KIRREL3: variants seen among roughly 807,000 people sequenced by gnomAD.
KIRREL3 encodes the protein kin of IRRE-like protein 3.
In KIRREL3, 36 loss-of-function variants were observed where a neutral mutation model predicts 89.7. The ratio of observed to expected loss-of-function variants is 0.40; its 90% CI spans 0.31 to 0.53. The LOEUF is 0.53. KIRREL3 is among the 20% of genes least tolerant of loss of function. The pLI, the probability that KIRREL3 is intolerant of heterozygous loss-of-function variation, is 0.49. For synonymous variants in KIRREL3, 445 were observed against 441.4 expected, an observed-to-expected ratio of 1.01 and a Z score of -0.10; for missense variants, 864 against 1,056.6, an observed-to-expected ratio of 0.82 and a Z score of 2.53.
At chr11:126,735,142 T>C (rs1449420776) in intron 1 of KIRREL3, among the ~76,000 whole-genome samples, 4 of 152,190 alleles carry the variant, frequency 2.6e-5, no homozygotes, top group Admixed American at 2.6e-4. Flanking sequence ...GTTCTACTAA[T>C]TGCTAGTTGG....
Position 126,473,300 on chromosome 11 carries a change from A to G in KIRREL3, c.591+9T>C. 8.5e-6 allele frequency: 5 copies of G among 590,818 alleles called. No individual in the cohort carries two copies. The highest frequency in any genetic ancestry group is 3.7e-5 in the South Asian group (1 of 27,348). 36.6% of individuals were successfully genotyped at this position (590,818 alleles called of 1,614,324 possible). A position where few individuals can be genotyped will look rare whatever the true frequency, so the allele number is the denominator to read the frequency against. ...CGTCCACACCCACCCCCTCCCCTCC[A>G]GGCCTCACCTTGGAGTAGGTGGCCC... On this transcript the variant is annotated intron_variant, in intron 5 of 16. Transcript: ENST00000525144.
At chr11:126,470,035 G>C (rs1342618675) in intron 5 of KIRREL3, among the ~76,000 whole-genome samples, 1 of 152,244 alleles carries the variant, frequency 6.6e-6, no homozygotes, top group African/African-American at 2.4e-5. Flanking sequence ...GCATGGATCG[G>C]GTCCCCCGCC....
rs1949896958 is a variant in KIRREL3, at chr11:126,987,412, G to T, written c.55+13043C>A. On this transcript the variant is annotated intron_variant, in intron 1 of 16. Coordinates refer to ENST00000525144, the MANE Select transcript of KIRREL3 (RefSeq NM_032531.4). The surrounding 1 kb of genome is among the most constrained non-coding windows in gnomAD (Gnocchi z 4.6). ...CTTAGAATATCTGTTGATAATAAGA[G>T]TGAAAGGTAGATTTCCTGTTATTTT... Among the ~76,000 whole-genome samples the T allele has an allele frequency of 6.6e-6, 1 of 152,224 alleles. No homozygotes were observed. The highest frequency in any genetic ancestry group is 2.4e-5 in the African/African-American group (1 of 41,464).
Position 126,427,419 on chromosome 11 carries a change from G to A in KIRREL3, c.1807-1695C>T, listed in dbSNP as rs1417826505. Among the ~76,000 whole-genome samples, 2 of 152,218 alleles carry A rather than the reference G, an allele frequency of 1.3e-5. No homozygotes were observed. Among genetic ancestry groups the A allele is most frequent in the Admixed American group, 6.5e-5 (1 of 15,276 alleles). ...TACAAAGTGTTTTGGGAGAGCAGAA[G>A]GTGCACAGCTCCGCCAGGGGTGGGG... is the stretch of plus-strand genomic sequence containing the variant. On this transcript the variant is annotated intron_variant, in intron 15 of 16. Coordinates refer to ENST00000525144, the MANE Select transcript of KIRREL3 (RefSeq NM_032531.4). This position sits in a 1 kb window ranked among gnomAD's most constrained non-coding sequence, Gnocchi z 5.3.
At chr11:126,693,671 G>T (rs190957429) in intron 1 of KIRREL3, among the ~76,000 whole-genome samples, 31 of 152,130 alleles carry the variant, frequency 2.0e-4, no homozygotes, top group Middle Eastern at 3.4e-3. Flanking sequence ...CTGAGTTTCC[G>T]AAGGGAAAAT....
intron 1 of KIRREL3, among the ~76,000 whole-genome samples, chr11:126,714,359 G>A (rs955719198): frequency 5.3e-5 from 8 of 152,228 alleles, no homozygotes; most frequent in East Asian, 1.9e-4. Flanking sequence ...GGCCCAGGCC[G>A]AGCCCTGATA....
In KIRREL3 at chr11:126,508,267, T is replaced by G. The variant is rs1317762614; in HGVS notation, c.433+13048A>C. ...CGGGTTGTGGGACTCAGCTATTTAT[T>G]TTTGTGAGATGGAGGCTTCTGGGTG... On this transcript the variant is annotated intron_variant, in intron 4 of 16. Coordinates refer to ENST00000525144, the MANE Select transcript of KIRREL3 (RefSeq NM_032531.4). The surrounding 1 kb of genome is among the most constrained non-coding windows in gnomAD (Gnocchi z 4.9). Among the ~76,000 whole-genome samples, 1 of 152,192 alleles carries G rather than the reference T, an allele frequency of 6.6e-6. No individual in the cohort carries two copies. The highest frequency in any genetic ancestry group is 1.5e-5 in the Non-Finnish European group (1 of 68,032).
Position 126,525,215 on chromosome 11 carries a change from C to T in KIRREL3, c.283+1323G>A, listed in dbSNP as rs1040391834. 6.6e-6 allele frequency among the ~76,000 whole-genome samples: 1 copy of T among 152,170 alleles called. No individual in the cohort carries two copies. Among genetic ancestry groups the T allele is most frequent in the Non-Finnish European group, 1.5e-5 (1 of 68,042 alleles). ...CCAGTCCCTGACGGAAGTTGGAAAC[C>T]CACTGACCGGGACCCCAGACAGCCT... On this transcript the variant is annotated intron_variant, in intron 3 of 16. Transcript: ENST00000525144. The surrounding 1 kb of genome is among the most constrained non-coding windows in gnomAD (Gnocchi z 5.4).
At chr11:126,654,560 A>G (rs1227906607) in intron 1 of KIRREL3, among the ~76,000 whole-genome samples, 1 of 152,134 alleles carries the variant, frequency 6.6e-6, no homozygotes, top group African/African-American at 2.4e-5. Flanking sequence ...TAATGTAGGA[A>G]GCGCTTTTGC....
Position 126,676,372 on chromosome 11 carries a change from A to G in KIRREL3, c.56-113460T>C, listed in dbSNP as rs919599126. 3.9e-5 allele frequency among the ~76,000 whole-genome samples: 6 copies of G among 152,126 alleles called. No homozygotes were observed. Among genetic ancestry groups the G allele is most frequent in the Admixed American group, 2.6e-4 (4 of 15,274 alleles). ...GAGTGAAGTCTGTCCCATCTGTCCT[A>G]TCTCAGTTCAGGCTAGAATTCTCTC... is the stretch of plus-strand genomic sequence containing the variant. On this transcript the variant is annotated intron_variant, in intron 1 of 16. Coordinates refer to ENST00000525144, the MANE Select transcript of KIRREL3 (RefSeq NM_032531.4). The surrounding 1 kb of genome is among the most constrained non-coding windows in gnomAD (Gnocchi z 4.5).
intron 2 of KIRREL3, among the ~76,000 whole-genome samples, chr11:126,547,019 A>G (rs1938862620): frequency 6.6e-6 from 1 of 152,196 alleles, no homozygotes; most frequent in Non-Finnish European, 1.5e-5. Flanking sequence ...TGGGACACTG[A>G]GTGTGTTTGC....
intron 1 of KIRREL3, among the ~76,000 whole-genome samples, chr11:126,851,157 A>G (rs1277412505): frequency 3.3e-5 from 5 of 152,184 alleles, no homozygotes; most frequent in Non-Finnish European, 5.9e-5. Context: ...GTCCAATTAC[A>G]CTTAGGACCC....
intron 13 of KIRREL3, among the ~76,000 whole-genome samples, chr11:126,433,731 T>C (rs1161041907): frequency 6.6e-6 from 1 of 152,230 alleles, no homozygotes; most frequent in Non-Finnish European, 1.5e-5. Context: ...CTGTGGCAGC[T>C]CATTGGTTCT....
intron 1 of KIRREL3, among the ~76,000 whole-genome samples, chr11:126,619,632 C>T (rs1039830518): frequency 2.6e-5 from 4 of 152,320 alleles, no homozygotes; most frequent in Admixed American, 1.3e-4. Flanking sequence ...ACAAACCAGA[C>T]TTTAGGCGGA....
chr11:126,742,671 G>T lies in KIRREL3; in HGVS notation c.56-179759C>A, dbSNP rs1057476728. On this transcript the variant is annotated intron_variant, in intron 1 of 16. Coordinates refer to ENST00000525144, the MANE Select transcript of KIRREL3 (RefSeq NM_032531.4). The surrounding 1 kb of genome is among the most constrained non-coding windows in gnomAD (Gnocchi z 5.3). ...CATCAGCCTAGGTATGTCTAACTCC[G>T]AATTTTATTTTCTCTCAAATATATA... Among the ~76,000 whole-genome samples the T allele has an allele frequency of 4.6e-5, 7 of 152,174 alleles. No individual in the cohort carries two copies. Among genetic ancestry groups the T allele is most frequent in the African/African-American group, 1.7e-4 (7 of 41,446 alleles).
chr11:126,725,609 G>C (rs1485879292), intron 1 of KIRREL3, among the ~76,000 whole-genome samples: 1 of 152,202 alleles, frequency 6.6e-6, no homozygotes, highest in East Asian at 1.9e-4. Context: ...TGCCTTCCTT[G>C]GATGATGGTG....
At chr11:126,804,406 T>C (rs536264426) in intron 1 of KIRREL3, among the ~76,000 whole-genome samples, 12 of 152,262 alleles carry the variant, frequency 7.9e-5, no homozygotes, top group Non-Finnish European at 1.6e-4. Flanking sequence ...CTAAAATACA[T>C]AAGGGTGGAA....
chr11:126,774,586 C>T (rs900693081), intron 1 of KIRREL3, among the ~76,000 whole-genome samples: 16 of 152,140 alleles, frequency 1.1e-4, no homozygotes, highest in African/African-American at 2.7e-4. Flanking sequence ...TGGGGCTGAG[C>T]GTGGGTTTGG....
At chr11:126,865,809 TA>T (rs1415188731) in intron 1 of KIRREL3, among the ~76,000 whole-genome samples, 1 of 152,218 alleles carries the variant, frequency 6.6e-6, no homozygotes, top group Non-Finnish European at 1.5e-5. Context: ...AATTTTTTTT[TA>T]AAAGTGAGAG....
Sources: gnomAD v4.1 joint callset for allele counts (sites outside exome capture counted in the v4.1 genomes callset) on GRCh38, gnomAD v4.1.1 for gene constraint, Gnocchi (gnomAD v3.1) non-coding constraint, MANE v1.5 for transcripts, NCBI Gene and HGNC (gene_info 2026-07-23, HGNC 2026-07-21) for gene names.